ZNF639: variants seen among roughly 807,000 people sequenced by gnomAD.
ZNF639 encodes the protein zinc finger protein 639.
Under a neutral mutation model 39.8 loss-of-function variants are expected in ZNF639, and 20 were observed. The observed-to-expected ratio is 0.50, with a 90% CI of 0.35 to 0.73. The LOEUF (loss-of-function observed/expected upper bound fraction) is 0.73. ZNF639 is among the 30% of genes least tolerant of loss of function. ZNF639 has a pLI of 0.00. For missense variants in ZNF639, 477 were observed against 566.2 expected (o/e 0.84, Z 1.60); for synonymous variants, 176 against 189.8 (o/e 0.93, Z 0.60).
At position 179,323,172 on chromosome 3, in the gene ZNF639, C is replaced by G. The variant is rs1396253202; in HGVS notation, c.-202C>G. The G allele has an allele frequency of 1.0e-6, 1 of 984,656 alleles. No homozygotes were observed. The highest frequency in any genetic ancestry group is 1.2e-6 in the Non-Finnish European group (1 of 829,720). The allele number at this position is 984,656 out of a possible 1,614,324, so 61.0% of individuals were successfully genotyped here. ...GCACAGCGTCCGGGAGCGCTAGGGC[C>G]GGAGCAGCGCTGCCCGCCGCCGTGC... On this transcript the variant is annotated 5_prime_UTR_variant, in exon 1 of 6. Transcript: ENST00000496856.
At position 179,333,428 on chromosome 3, in the gene ZNF639, C is replaced by T; in HGVS notation, c.464C>T (p.Thr155Ile). 6.2e-7 allele frequency: 1 copy of T among 1,614,074 alleles called. No homozygotes were observed. Among genetic ancestry groups the T allele is most frequent in the Non-Finnish European group, 8.5e-7 (1 of 1,180,028 alleles). ...ATTTCTGAGGATTATGATATAGAGACAGAAAACAATTCCTCTGAGAGTCTC... is the reference window on the plus strand; with the variant it reads ...ATTTCTGAGGATTATGATATAGAGATAGAAAACAATTCCTCTGAGAGTCTC... ...HAISEDYDIETENNSSESLQD... is the reference protein window; with the variant it reads ...HAISEDYDIEIENNSSESLQD... The change falls in exon 6 of 6, where the codon ACA becomes ATA. Residue 155 changes from threonine to isoleucine, a missense_variant. Thr to Ile is a moderately conservative substitution (Grantham distance 89, BLOSUM62 -1). Transcript: ENST00000496856.
Position 179,328,298 on chromosome 3 carries a change from A to G in ZNF639, c.5A>G (p.Asn2Ser). 1 of 1,569,870 alleles carries G rather than the reference A, an allele frequency of 6.4e-7. No homozygotes were observed. Among genetic ancestry groups the G allele is most frequent in the Non-Finnish European group, 8.7e-7 (1 of 1,150,940 alleles). Residue 2 changes from asparagine (N) to serine (S), a missense_variant, in exon 3 of 6, where the codon AAT becomes AGT. Transcript: ENST00000496856. M[N>S]EYPKKRKRKT... ...CGTTTTTTAGATTGAAAAGATATGAATGAGTATCCTAAAAAAAGAAAAAGG... is the reference window on the plus strand; with the variant it reads ...CGTTTTTTAGATTGAAAAGATATGAGTGAGTATCCTAAAAAAAGAAAAAGG...
At chr3:179,325,249 G>A (rs2108491932) in intron 1 of ZNF639, 1 of 152,470 alleles carries the variant, frequency 6.6e-6, no homozygotes, top group East Asian at 1.9e-4. Flanking sequence ...TTGAATTCCC[G>A]ACCTCAGGTG....
chr3:179,328,275 T>A lies in ZNF639; in HGVS notation c.-11-8T>A. On this transcript the variant is annotated splice_region_variant and splice_polypyrimidine_tract_variant and intron_variant, in intron 2 of 5. Transcript: ENST00000496856. Reference sequence around the variant, plus strand: ...TGACATATTTGTTAATTTTTTCTCGTTTTTTAGATTGAAAAGATATGAATG... The same window carrying A: ...TGACATATTTGTTAATTTTTTCTCGATTTTTAGATTGAAAAGATATGAATG... 1.3e-6 allele frequency: 2 copies of A among 1,511,996 alleles called. No individual in the cohort carries two copies. The highest frequency in any genetic ancestry group is 1.8e-6 in the Non-Finnish European group (2 of 1,107,358). 93.7% of individuals were successfully genotyped at this position (1,511,996 alleles called of 1,614,324 possible).
At position 179,333,309 on chromosome 3, in the gene ZNF639, C is replaced by G. The variant is rs1415454247; in HGVS notation, c.345C>G (p.Asp115Glu). Residue 115 changes from aspartate to glutamate, a missense_variant, in exon 6 of 6, where the codon GAC becomes GAG. Transcript: ENST00000496856. ...ADIVICDEEC[D>E]SPESVNQQTQ... The stretch of plus-strand genomic sequence containing the variant: ...TTGTAATTTGTGATGAAGAGTGTGA[C>G]TCACCTGAATCAGTCAACCAGCAAA... The G allele has an allele frequency of 6.2e-7, 1 of 1,612,060 alleles. No individual in the cohort carries two copies. Among genetic ancestry groups the G allele is most frequent in the Non-Finnish European group, 8.5e-7 (1 of 1,179,314 alleles).
rs577371006 is a variant in ZNF639, at chr3:179,337,339, T to C, written c.*2917T>C. ...ATCCAAGTTTCAGAACCATATAATT[T>C]TGTACTTTTTTTTTTTTCAGACAGT... On this transcript the variant is annotated 3_prime_UTR_variant, in exon 6 of 6. Transcript: ENST00000496856. 3.4e-5 allele frequency: 5 copies of C among 146,700 alleles called. No homozygotes were observed. Among genetic ancestry groups the C allele is most frequent in the Admixed American group, 2.1e-4 (3 of 14,412 alleles). 9.1% of individuals were successfully genotyped at this position (146,700 alleles called of 1,614,324 possible).
chr3:179,324,379 G>T (rs963137235), intron 1 of ZNF639, among the ~76,000 whole-genome samples: 8 of 152,124 alleles, frequency 5.3e-5, no homozygotes, highest in African/African-American at 1.9e-4. Context: ...TTTTTCTGCA[G>T]TGACACGTGT....
chr3:179,333,444 TGA>T lies in ZNF639; in HGVS notation c.484_485del (p.Leu163ProfsTer5). 1.2e-6 allele frequency: 2 copies of T among 1,614,072 alleles called. No individual in the cohort carries two copies. The highest frequency in any genetic ancestry group is 2.2e-5 in the South Asian group (2 of 91,082). On this transcript the variant is annotated frameshift_variant, in exon 6 of 6. Coordinates refer to ENST00000496856, the MANE Select transcript of ZNF639 (RefSeq NM_001303426.2). LOFTEE classifies it high-confidence loss of function. Reference sequence around the variant, plus strand: ...ATATAGAGACAGAAAACAATTCCTCTGAGAGTCTCCAAGACCAAACTGATGAA... The same window carrying T: ...ATATAGAGACAGAAAACAATTCCTCTGAGTCTCCAAGACCAAACTGATGAA... ...YDIETENNSS[E>X]SLQDQTDEEP...
chr3:179,329,907 TTC>T, intron 4 of ZNF639, 179 bp downstream of exon 4: 4 of 278,444 alleles, frequency 1.4e-5, no homozygotes, highest in South Asian at 6.7e-5. Context: ...ATTTTAACTA[TTC>T]TTTTTTTTTT....
intron 1 of ZNF639, among the ~76,000 whole-genome samples, chr3:179,324,568 G>A (rs556053991): frequency 6.6e-6 from 1 of 152,280 alleles, no homozygotes; most frequent in East Asian, 1.9e-4. Context: ...CTAAAATGAA[G>A]GATGGTTAGC....
intron 1 of ZNF639, among the ~76,000 whole-genome samples, chr3:179,326,428 CTGAG>C (rs904862822): frequency 5.3e-5 from 8 of 152,228 alleles, no homozygotes; most frequent in African/African-American, 1.9e-4. Flanking sequence ...CCAGCATTTA[CTGAG>C]TATCTAGCTT....
At position 179,333,476 on chromosome 3, in the gene ZNF639, C is replaced by G. The variant is rs777464117; in HGVS notation, c.512C>G (p.Pro171Arg). Residue 171 changes from proline (P) to arginine (R), a missense_variant, in exon 6 of 6, where the codon CCG becomes CGG. Transcript: ENST00000496856. ...CTCCAAGACCAAACTGATGAAGAAC[C>G]GCCAGCTAAACTTTGTAAAATTCTT... ...ESLQDQTDEEPPAKLCKILDK... is the reference protein window; with the variant it reads ...ESLQDQTDEERPAKLCKILDK... The G allele has an allele frequency of 6.2e-7, 1 of 1,614,056 alleles. No individual in the cohort carries two copies. The highest frequency in any genetic ancestry group is 1.1e-5 in the South Asian group (1 of 91,074).
chr3:179,331,883 G>A (rs1727935457), intron 4 of ZNF639, among the ~76,000 whole-genome samples: 1 of 151,368 alleles, frequency 6.6e-6, no homozygotes, highest in African/African-American at 2.4e-5. Flanking sequence ...TTGATAGTAT[G>A]TACCCTTGAT....
chr3:179,327,689 G>A (rs900931465), intron 2 of ZNF639, 58 bp downstream of exon 2: 4 of 152,228 alleles, frequency 2.6e-5, no homozygotes, highest in African/African-American at 9.7e-5. Flanking sequence ...AATTTAATTG[G>A]ATAGTGGTTG....
At chr3:179,323,004 A>C, upstream of ZNF639, 1 of 983,046 alleles carries the variant, frequency 1.0e-6, no homozygotes, top group Non-Finnish European at 1.2e-6. Context: ...TCACCTCGTC[A>C]CCTCCCCGCC....
At chr3:179,324,053 T>C (rs1727440059) in intron 1 of ZNF639, among the ~76,000 whole-genome samples, 1 of 151,720 alleles carries the variant, frequency 6.6e-6, no homozygotes, top group Admixed American at 6.5e-5. Flanking sequence ...GTTCAGGCTC[T>C]CCTGCAACAT....
chr3:179,329,083 A>G (rs1482099673), intron 3 of ZNF639, among the ~76,000 whole-genome samples: 1 of 152,182 alleles, frequency 6.6e-6, no homozygotes, highest in East Asian at 1.9e-4. Context: ...CATCTCTAAT[A>G]CACCTCGCAT....
rs775928739 is a variant in ZNF639 at position 179,333,657 on chromosome 3, T to G, written c.693T>G (p.Asp231Glu). 9 of 1,614,196 alleles carry G rather than the reference T, an allele frequency of 5.6e-6. No individual in the cohort carries two copies. The highest frequency in any genetic ancestry group is 7.6e-6 in the Non-Finnish European group (9 of 1,180,030). The change falls in exon 6 of 6, where the codon GAT becomes GAG. Residue 231 changes from aspartate to glutamate, a missense_variant. Coordinates refer to ENST00000496856, the MANE Select transcript of ZNF639 (RefSeq NM_001303426.2). The part of the protein sequence containing the change: ...QHMILKHKRT[D>E]SNVCRVCKES... ...TGATCCTGAAGCATAAACGTACTGA[T>G]TCAAATGTGTGTCGAGTATGCAAGG... is the stretch of plus-strand genomic sequence containing the variant.
Position 179,333,653 on chromosome 3 carries a change from C to G in ZNF639, c.689C>G (p.Thr230Ser). The G allele has an allele frequency of 6.2e-7, 1 of 1,614,156 alleles. No homozygotes were observed. The highest frequency in any genetic ancestry group is 8.5e-7 in the Non-Finnish European group (1 of 1,180,034). The part of the protein sequence containing the change: ...KQHMILKHKR[T>S]DSNVCRVCKE... ...CATATGATCCTGAAGCATAAACGTA[C>G]TGATTCAAATGTGTGTCGAGTATGC... The change falls in exon 6 of 6, where the codon ACT (threonine) becomes AGT (serine). Residue 230 changes from threonine to serine, a missense_variant. Transcript: ENST00000496856.
Sources: gnomAD v4.1 joint callset for allele counts (sites outside exome capture counted in the v4.1 genomes callset) on GRCh38, gnomAD v4.1.1 for gene constraint, MANE v1.5 for transcripts, NCBI Gene and HGNC (gene_info 2026-07-23, HGNC 2026-07-21) for gene names.